Variants in SNAP91 observed in about 807,000 individuals in gnomAD.
The protein encoded by SNAP91 is synaptosome associated protein 91, also known as clathrin coat assembly protein AP180.
In SNAP91, 27 loss-of-function variants were observed where a neutral mutation model predicts 100.3. That is an observed-to-expected ratio of 0.27 (90% CI 0.20 to 0.37). SNAP91 has a LOEUF of 0.37. Among genes scored for constraint, SNAP91 ranks in the 10% least tolerant of loss-of-function variants. The pLI, the probability that SNAP91 is intolerant of heterozygous loss-of-function variation, is 1.00. For missense variants in SNAP91, 986 were observed against 1,123.7 expected, an observed-to-expected ratio of 0.88 and a Z score of 1.75; for synonymous variants, 404 against 398.6, an observed-to-expected ratio of 1.01 and a Z score of -0.16.
intron 2 of SNAP91, among the ~76,000 whole-genome samples, chr6:83,705,508 C>G (rs1373150037): frequency 6.6e-6 from 1 of 151,952 alleles, no homozygotes; most frequent in Non-Finnish European, 1.5e-5. Context: ...TGGTTAAAAG[C>G]TATGAAAGTT....
intron 26 of SNAP91, among the ~76,000 whole-genome samples, chr6:83,572,734 A>C (rs551045592): frequency 2.6e-5 from 4 of 152,310 alleles, no homozygotes; most frequent in African/African-American, 9.6e-5. Context: ...CGAAAGTATA[A>C]ATTCCTTAGA....
At chr6:83,612,018 G>A (rs907256382) in intron 11 of SNAP91, among the ~76,000 whole-genome samples, 1 of 151,674 alleles carries the variant, frequency 6.6e-6, no homozygotes, top group Admixed American at 6.6e-5. Context: ...ACCGCGCCAG[G>A]CCCAAGTTAA....
At chr6:83,703,082 C>G (rs2099335289) in intron 2 of SNAP91, among the ~76,000 whole-genome samples, 1 of 151,746 alleles carries the variant, frequency 6.6e-6, no homozygotes, top group Non-Finnish European at 1.5e-5. Context: ...CATCTCTTCA[C>G]CCTTGGGCTG....
intron 8 of SNAP91, among the ~76,000 whole-genome samples, chr6:83,639,076 C>T (rs1218000442): frequency 6.6e-6 from 1 of 152,150 alleles, no homozygotes; most frequent in East Asian, 1.9e-4. Flanking sequence ...AACTACTTTA[C>T]CTTTTCTTTA....
chr6:83,629,528 CT>C (rs1459122461), intron 8 of SNAP91, among the ~76,000 whole-genome samples: 1 of 152,038 alleles, frequency 6.6e-6, no homozygotes, highest in Non-Finnish European at 1.5e-5. Flanking sequence ...TCTATGATTT[CT>C]TTCAGCGGTG....
At chr6:83,566,312 T>C (rs1202100000) in intron 26 of SNAP91, among the ~76,000 whole-genome samples, 1 of 152,202 alleles carries the variant, frequency 6.6e-6, no homozygotes, top group Non-Finnish European at 1.5e-5. Context: ...AATCATTGAA[T>C]TGTATACTTT....
At chr6:83,664,283 T>A (rs2098631609) in intron 3 of SNAP91, among the ~76,000 whole-genome samples, 1 of 152,164 alleles carries the variant, frequency 6.6e-6, no homozygotes, top group Non-Finnish European at 1.5e-5. Flanking sequence ...AAGAAATACA[T>A]TTTGTAAGGC....
At chr6:83,641,254 T>C in intron 7 of SNAP91, 52 bp from the exon 8 acceptor site, 1 of 788,364 alleles carries the variant, frequency 1.3e-6, no homozygotes, top group Admixed American at 3.7e-5. Context: ...TGTTCTATTT[T>C]TTTCTAAGCT....
chr6:83,623,137 T>C (rs1008495067), intron 9 of SNAP91, among the ~76,000 whole-genome samples, 164 bp downstream of exon 9: 6 of 152,152 alleles, frequency 3.9e-5, no homozygotes, highest in East Asian at 3.8e-4. Flanking sequence ...TCCAGAAATA[T>C]ATTCAATGGC....
At chr6:83,566,897 A>G (rs1162059167) in intron 26 of SNAP91, among the ~76,000 whole-genome samples, 2 of 152,192 alleles carry the variant, frequency 1.3e-5, no homozygotes, top group Admixed American at 1.3e-4. Flanking sequence ...ATAAAAGTTC[A>G]TGGTCCACAC....
chr6:83,611,207 C>A (rs964911651), intron 11 of SNAP91, among the ~76,000 whole-genome samples: 7 of 152,108 alleles, frequency 4.6e-5, no homozygotes, highest in East Asian at 1.9e-4. Flanking sequence ...TCTGTTTTCC[C>A]CCCCCATGGC....
chr6:83,698,069 T>C (rs1004851696), intron 2 of SNAP91, among the ~76,000 whole-genome samples: 1 of 151,962 alleles, frequency 6.6e-6, no homozygotes, highest in African/African-American at 2.4e-5. Context: ...ATATTAAAAC[T>C]TAAAAACAGC....
intron 2 of SNAP91, among the ~76,000 whole-genome samples, chr6:83,671,690 G>C (rs925025624): frequency 6.6e-6 from 1 of 151,954 alleles, no homozygotes; most frequent in African/African-American, 2.4e-5. Context: ...GAAGGAAATA[G>C]GTATAAGCAG....
intron 2 of SNAP91, among the ~76,000 whole-genome samples, chr6:83,676,815 G>C (rs1225808626): frequency 6.6e-6 from 1 of 152,102 alleles, no homozygotes; most frequent in Non-Finnish European, 1.5e-5. Flanking sequence ...AAATAAAAGA[G>C]GTTATTTTAA....
chr6:83,620,914 A>C (rs2096695453), intron 9 of SNAP91, among the ~76,000 whole-genome samples: 2 of 151,074 alleles, frequency 1.3e-5, no homozygotes, highest in South Asian at 4.2e-4. Flanking sequence ...ACGGGGTTTC[A>C]CCGTGGTCTC....
intron 26 of SNAP91, among the ~76,000 whole-genome samples, chr6:83,570,889 G>A (rs1584501537): frequency 6.6e-6 from 1 of 152,106 alleles, no homozygotes; most frequent in East Asian, 1.9e-4. Context: ...GTGGGATGGG[G>A]GCCCCCACAC....
intron 2 of SNAP91, among the ~76,000 whole-genome samples, chr6:83,672,211 C>T (rs1216062423): frequency 6.6e-6 from 1 of 152,070 alleles, no homozygotes; most frequent in African/African-American, 2.4e-5. Context: ...ATAGAGAGCT[C>T]ATCTCTCAAG....
chr6:83,700,913 T>A (rs1204592880), intron 2 of SNAP91, among the ~76,000 whole-genome samples: 3 of 152,180 alleles, frequency 2.0e-5, no homozygotes, highest in Admixed American at 6.5e-5. Context: ...GGTGTTTAAA[T>A]AATTATCACT....
At chr6:83,592,906 C>T (rs1403670457) in intron 20 of SNAP91, 40 bp downstream of exon 20, 1 of 1,451,486 alleles carries the variant, frequency 6.9e-7, no homozygotes, top group Admixed American at 2.0e-5. Flanking sequence ...ATTACTTCCA[C>T]AAGACATCTC....
Sources: allele counts gnomAD v4.1 joint callset (sites outside exome capture counted in the v4.1 genomes callset), GRCh38; gene constraint gnomAD v4.1.1; transcripts MANE v1.5; gene names NCBI Gene and HGNC (gene_info 2026-07-23, HGNC 2026-07-21).